NFKBIL1: variants seen among roughly 807,000 people sequenced by gnomAD.
The protein encoded by NFKBIL1 is NF-kappa-B inhibitor-like protein 1.
In NFKBIL1, 30 loss-of-function variants were observed where a neutral mutation model predicts 45.4. The ratio of observed to expected loss-of-function variants is 0.66; its 90% confidence interval spans 0.49 to 0.90. NFKBIL1 has a LOEUF of 0.90. Among genes scored for constraint, NFKBIL1 ranks in the 40% least tolerant of loss-of-function variants. The pLI is 0.00. For missense variants in NFKBIL1, 434 were observed against 513.4 expected, an observed-to-expected ratio of 0.85 and a Z score of 1.49; for synonymous variants, 179 against 197.3, an observed-to-expected ratio of 0.91 and a Z score of 0.78.
Position 31,557,217 on chromosome 6 carries a change from C to T in NFKBIL1, c.335-411C>T, listed in dbSNP as rs928097342. On this transcript the variant is annotated intron_variant, in intron 2 of 3. Coordinates refer to ENST00000376148, the MANE Select transcript of NFKBIL1 (RefSeq NM_005007.4). This position sits in a 1 kb window ranked among gnomAD's most constrained non-coding sequence, Gnocchi z 5.4. ...CCACCTCCCGGGTTCACATCATTCT[C>T]CTGCCTCAGCCTGCCGAGTAGCTGG... 1.3e-5 allele frequency among the ~76,000 whole-genome samples: 2 copies of T among 151,188 alleles called. No individual in the cohort carries two copies. The highest frequency in any genetic ancestry group is 4.9e-5 in the African/African-American group (2 of 40,728).
chr6:31,551,071 G>A lies in NFKBIL1; in HGVS notation c.334+2632G>A, dbSNP rs565090281. 3.3e-5 allele frequency among the ~76,000 whole-genome samples: 5 copies of A among 152,198 alleles called. No homozygotes were observed. The South Asian group carries it at 1.0e-3, about 32-fold the overall frequency. On this transcript the variant is annotated intron_variant, in intron 2 of 3. Coordinates refer to ENST00000376148, the MANE Select transcript of NFKBIL1 (RefSeq NM_005007.4). ...AGACAGGGTCTCATTCTGTCTCCCA[G>A]CCTGGAGTGCAGTGGTGCAATCATG...
intron 2 of NFKBIL1, among the ~76,000 whole-genome samples, chr6:31,549,809 A>C (rs1171485935): frequency 6.6e-6 from 1 of 152,134 alleles, no homozygotes; most frequent in African/African-American, 2.4e-5. Flanking sequence ...ATATAGAGTG[A>C]GTGTACTTTT....
upstream of NFKBIL1, chr6:31,546,903 T>G (rs200922147): frequency 3.1e-6 from 1 of 318,374 alleles, no homozygotes; most frequent in Middle Eastern, 8.9e-4. This position sits in a 1 kb window ranked among gnomAD's most constrained non-coding sequence, Gnocchi z 4.1. Context: ...GGGGGAGTAC[T>G]GAGGTGAGAG....
rs1360393788 is a variant in NFKBIL1, at chr6:31,547,756, A to C, written c.57+5A>C. 2.5e-6 allele frequency: 4 copies of C among 1,604,638 alleles called. No individual in the cohort carries two copies. The highest frequency in any genetic ancestry group is 3.4e-6 in the Non-Finnish European group (4 of 1,172,960). ...GCCTCCACATCTGTCTGCCGGGTAC[A>C]TGATATTCAATTTCTAGATCATTAT... On this transcript the variant is annotated splice_donor_5th_base_variant and intron_variant, in intron 1 of 3. Coordinates refer to ENST00000376148, the MANE Select transcript of NFKBIL1 (RefSeq NM_005007.4).
At position 31,557,316 on chromosome 6, in the gene NFKBIL1, G is replaced by A. The variant is rs1452076458; in HGVS notation, c.335-312G>A. ...GTAGAGATGGGATTTCACCATGTTAGCCAGGATGGTCTTGATCTCCTGACC... is the reference window on the plus strand; with the variant it reads ...GTAGAGATGGGATTTCACCATGTTAACCAGGATGGTCTTGATCTCCTGACC... On this transcript the variant is annotated intron_variant, in intron 2 of 3. Transcript: ENST00000376148. The surrounding 1 kb of genome is among the most constrained non-coding windows in gnomAD (Gnocchi z 5.4). 6.6e-6 allele frequency among the ~76,000 whole-genome samples: 1 copy of A among 152,074 alleles called. No individual in the cohort carries two copies. The highest frequency in any genetic ancestry group is 1.5e-5 in the Non-Finnish European group (1 of 68,014).
In NFKBIL1 at chr6:31,547,690, G is replaced by C. The variant is rs773291438; in HGVS notation, c.-5G>C. 3.7e-6 allele frequency: 6 copies of C among 1,609,912 alleles called. No homozygotes were observed. In the South Asian group the frequency reaches 6.6e-5, roughly 18 times the overall value. On this transcript the variant is annotated 5_prime_UTR_variant, in exon 1 of 4. Transcript: ENST00000376148. ...GGGGTACTTGGGGGGGCGGGGGCAG[G>C]TCTGATGAGTAACCCCTCCCCCCAG...
At chr6:31,551,334 T>C (rs1237686055) in intron 2 of NFKBIL1, among the ~76,000 whole-genome samples, 1 of 152,230 alleles carries the variant, frequency 6.6e-6, no homozygotes, top group African/African-American at 2.4e-5. Flanking sequence ...CTCCATTGTA[T>C]TGAATTTTAA....
chr6:31,557,952 C>T lies in NFKBIL1; in HGVS notation c.557-70C>T. 6.7e-7 allele frequency: 1 copy of T among 1,501,088 alleles called. No homozygotes were observed. Among genetic ancestry groups the T allele is most frequent in the Non-Finnish European group, 9.0e-7 (1 of 1,113,414 alleles). The allele number at this position is 1,501,088 out of a possible 1,614,324, so 93.0% of individuals were successfully genotyped here. ...TCCTCTGCCCCCTCCTCTGTGCTTC[C>T]CTGCTTCTTGGGGCCCATCACCTTC... On this transcript the variant is annotated intron_variant, in intron 3 of 3. Coordinates refer to ENST00000376148, the MANE Select transcript of NFKBIL1 (RefSeq NM_005007.4). This position sits in a 1 kb window ranked among gnomAD's most constrained non-coding sequence, Gnocchi z 5.4.
Position 31,557,947 on chromosome 6 carries a change from G to A in NFKBIL1, c.557-75G>A, listed in dbSNP as rs1310769122. On this transcript the variant is annotated intron_variant, in intron 3 of 3. Coordinates refer to ENST00000376148, the MANE Select transcript of NFKBIL1 (RefSeq NM_005007.4). The surrounding 1 kb of genome is among the most constrained non-coding windows in gnomAD (Gnocchi z 5.4). The stretch of plus-strand genomic sequence containing the variant: ...TAGGCTCCTCTGCCCCCTCCTCTGT[G>A]CTTCCCTGCTTCTTGGGGCCCATCA... The A allele has an allele frequency of 2.0e-6, 3 of 1,495,012 alleles. No homozygotes were observed. Among genetic ancestry groups the A allele is most frequent in the South Asian group, 2.6e-5 (2 of 76,460 alleles). 92.6% of individuals were successfully genotyped at this position (1,495,012 alleles called of 1,614,324 possible).
At chr6:31,556,032 A>G (rs1249283703) in intron 2 of NFKBIL1, among the ~76,000 whole-genome samples, 1 of 151,892 alleles carries the variant, frequency 6.6e-6, no homozygotes, top group Non-Finnish European at 1.5e-5. Context: ...GCTGTTTAAT[A>G]TTATGTTTTT....
At chr6:31,556,552 ATGGCACTCAGCTAACCTTG>A in intron 2 of NFKBIL1, 1 of 355,764 alleles carries the variant, frequency 2.8e-6, no homozygotes, top group Non-Finnish European at 6.0e-6. Flanking sequence ...AGGAAGTAGC[ATGGCACTCAGCTAACCTTG>A]GGCCAGATGC....
At chr6:31,548,921 A>G (rs1392556990) in intron 2 of NFKBIL1, among the ~76,000 whole-genome samples, 1 of 152,168 alleles carries the variant, frequency 6.6e-6, no homozygotes, top group Non-Finnish European at 1.5e-5. Flanking sequence ...CCTCACAACA[A>G]TCTTAGGAGG....
chr6:31,556,674 C>G (rs1233264152), intron 2 of NFKBIL1: 1 of 457,142 alleles, frequency 2.2e-6, no homozygotes, highest in South Asian at 1.5e-5. Flanking sequence ...CTGTCACACT[C>G]CACTCCCTTT....
chr6:31,547,762 T>G lies in NFKBIL1; in HGVS notation c.57+11T>G, dbSNP rs200449708. 8.1e-6 allele frequency: 13 copies of G among 1,602,908 alleles called. No individual in the cohort carries two copies. The highest frequency in any genetic ancestry group is 1.1e-5 in the Non-Finnish European group (13 of 1,171,362). On this transcript the variant is annotated intron_variant, in intron 1 of 3. Coordinates refer to ENST00000376148, the MANE Select transcript of NFKBIL1 (RefSeq NM_005007.4). ...ACATCTGTCTGCCGGGTACATGATA[T>G]TCAATTTCTAGATCATTATTGGAGA...
chr6:31,550,753 G>A (rs1284202347), intron 2 of NFKBIL1, among the ~76,000 whole-genome samples: 3 of 152,094 alleles, frequency 2.0e-5, no homozygotes, highest in Non-Finnish European at 2.9e-5. Flanking sequence ...GCAATGGCGC[G>A]ATTTCAGCCC....
Position 31,557,560 on chromosome 6 carries a change from C to G in NFKBIL1, c.335-68C>G, listed in dbSNP as rs1005956768. On this transcript the variant is annotated intron_variant, in intron 2 of 3. Transcript: ENST00000376148. The surrounding 1 kb of genome is among the most constrained non-coding windows in gnomAD (Gnocchi z 5.4). ...AAGGGAGCGAGTGACCAGCAGGATT[C>G]AAGATGGCAGCTCTGCCGAGGAGTG... 9.1e-6 allele frequency: 12 copies of G among 1,316,458 alleles called. No individual in the cohort carries two copies. The African/African-American group carries it at 1.8e-4, about 19-fold the overall frequency. 81.5% of individuals were successfully genotyped at this position (1,316,458 alleles called of 1,614,324 possible).
chr6:31,553,531 C>T (rs1214267576), intron 2 of NFKBIL1, among the ~76,000 whole-genome samples: 1 of 152,152 alleles, frequency 6.6e-6, no homozygotes, highest in Non-Finnish European at 1.5e-5. Flanking sequence ...TCACGGTAAA[C>T]TACCTTTATC....
Position 31,558,498 on chromosome 6 carries a change from C to G in NFKBIL1, c.1033C>G (p.Arg345Gly). ...CCAGCAGGTCCGCTGGCACCCTGACCGCTTCCTGCAGCGATTCCGAAGCCA... is the reference window on the plus strand; with the variant it reads ...CCAGCAGGTCCGCTGGCACCCTGACGGCTTCCTGCAGCGATTCCGAAGCCA... The part of the protein sequence containing the change: ...RVQQVRWHPD[R>G]FLQRFRSQIE... The change falls in exon 4 of 4, where the codon CGC (arginine) becomes GGC (glycine). Residue 345 changes from arginine to glycine, a missense_variant. This residue lies in a region of NFKBIL1 where 52 missense variants were observed against 95.9 expected (regional missense o/e 0.54). Coordinates refer to ENST00000376148, the MANE Select transcript of NFKBIL1 (RefSeq NM_005007.4). This position sits in a 1 kb window ranked among gnomAD's most constrained non-coding sequence, Gnocchi z 7.2. The G allele has an allele frequency of 1.3e-6, 2 of 1,554,492 alleles. No homozygotes were observed. The highest frequency in any genetic ancestry group is 1.7e-6 in the Non-Finnish European group (2 of 1,148,808).
In NFKBIL1 at chr6:31,557,641, C is replaced by T. The variant is rs1297524490; in HGVS notation, c.348C>T (p.Phe116=). ...TCCCACCAACAGCCTACACCGATTTCTTCCTCCCGCTGCTAAGCCGCTGTC... is the reference window on the plus strand; with the variant it reads ...TCCCACCAACAGCCTACACCGATTTTTTCCTCCCGCTGCTAAGCCGCTGTC... ...ARQGPDAYTD[F]FLPLLSRCPS... The change falls in exon 3 of 4, where the codon TTC becomes TTT. Residue 116 remains phenylalanine, a synonymous_variant. Coordinates refer to ENST00000376148, the MANE Select transcript of NFKBIL1 (RefSeq NM_005007.4). The surrounding 1 kb of genome is among the most constrained non-coding windows in gnomAD (Gnocchi z 5.4). The T allele has an allele frequency of 6.5e-7, 1 of 1,534,018 alleles. No homozygotes were observed.
Sources: allele counts gnomAD v4.1 joint callset (sites outside exome capture counted in the v4.1 genomes callset), GRCh38; gene constraint gnomAD v4.1.1; regional missense constraint gnomAD v4.1.1; non-coding constraint Gnocchi (gnomAD v3.1); transcripts MANE v1.5; gene names NCBI Gene and HGNC (gene_info 2026-07-23, HGNC 2026-07-21).